The following CEP128 variants were observed in gnomAD, a reference collection of about 807,000 sequenced individuals.
CEP128 encodes centrosomal protein 128, also known as centrosomal protein 128kDa.
In CEP128, 132 loss-of-function variants were observed where a neutral mutation model predicts 156.7. That is an observed-to-expected ratio of 0.84 (90% CI 0.73 to 0.97). CEP128 has a LOEUF of 0.97. CEP128 is among the 50% of genes least tolerant of loss of function. CEP128 has a pLI of 0.00. For missense variants in CEP128, 1,252 were observed against 1,281.9 expected, an observed-to-expected ratio of 0.98 and a Z score of 0.36; for synonymous variants, 469 against 448.9, an observed-to-expected ratio of 1.04 and a Z score of -0.57.
intron 13 of CEP128, among the ~76,000 whole-genome samples, chr14:80,824,164 T>C (rs2140011571): frequency 6.6e-6 from 1 of 152,334 alleles, no homozygotes; most frequent in East Asian, 1.9e-4. Context: ...GCAGCTGGGA[T>C]GCAGGGCACC....
intron 12 of CEP128, among the ~76,000 whole-genome samples, chr14:80,835,502 G>C (rs1490643647): frequency 6.6e-6 from 1 of 152,084 alleles, no homozygotes; most frequent in African/African-American, 2.4e-5. Flanking sequence ...CCAATACTTT[G>C]AGCATTTGAG....
intron 24 of CEP128, among the ~76,000 whole-genome samples, chr14:80,502,418 T>G (rs1594917830): frequency 6.6e-6 from 1 of 152,212 alleles, no homozygotes. Flanking sequence ...CCTCTTGTTC[T>G]GTTTTCTCTG....
intron 19 of CEP128, among the ~76,000 whole-genome samples, chr14:80,605,211 T>G (rs1892729754): frequency 6.6e-6 from 1 of 152,104 alleles, no homozygotes; most frequent in Admixed American, 6.6e-5. Flanking sequence ...AGGCACTGTA[T>G]CTTTGTAGGT....
chr14:80,616,908 G>C (rs546019832), intron 19 of CEP128, among the ~76,000 whole-genome samples: 1 of 152,156 alleles, frequency 6.6e-6, no homozygotes. Context: ...TATAATAAAA[G>C]TTCCCACTGT....
At chr14:80,699,024 G>C (rs904873709) in intron 19 of CEP128, among the ~76,000 whole-genome samples, 2 of 152,100 alleles carry the variant, frequency 1.3e-5, no homozygotes, top group Non-Finnish European at 2.9e-5. Context: ...GGAATCTTGG[G>C]AAGAGAATGA....
At position 80,777,876 on chromosome 14, in the gene CEP128, T is replaced by A; in HGVS notation, c.2376+6A>T. 6.3e-7 allele frequency: 1 copy of A among 1,575,258 alleles called. No individual in the cohort carries two copies. The highest frequency in any genetic ancestry group is 8.7e-7 in the Non-Finnish European group (1 of 1,150,534). The stretch of plus-strand genomic sequence containing the variant: ...ATTTGAAATTAGAATTCACTCATAT[T>A]TTTACCCTTTCTTCTAGTTGATCCT... On this transcript the variant is annotated splice_donor_region_variant and intron_variant, in intron 16 of 24. Transcript: ENST00000555265.
chr14:80,949,320 A>G (rs1382882272), intron 2 of CEP128, among the ~76,000 whole-genome samples: 1 of 152,180 alleles, frequency 6.6e-6, no homozygotes, highest in African/African-American at 2.4e-5. Context: ...AGAGTTTGGA[A>G]AGATGCAGGT....
At chr14:80,704,399 A>T (rs1897169224) in intron 19 of CEP128, among the ~76,000 whole-genome samples, 1 of 152,018 alleles carries the variant, frequency 6.6e-6, no homozygotes, top group South Asian at 2.1e-4. Context: ...AAAAAAGTTT[A>T]TGAGTGTAAA....
chr14:80,517,672 G>C (rs1566752358), intron 23 of CEP128, among the ~76,000 whole-genome samples: 1 of 152,104 alleles, frequency 6.6e-6, no homozygotes, highest in Non-Finnish European at 1.5e-5. Context: ...CTCCCAAGAT[G>C]GCGGCAAGCC....
intron 16 of CEP128, among the ~76,000 whole-genome samples, chr14:80,772,610 T>G (rs1415658110): frequency 1.3e-5 from 2 of 152,182 alleles, no homozygotes; most frequent in African/African-American, 4.8e-5. Context: ...AAGAGTGCAC[T>G]GTGACACATG....
At chr14:80,727,100 T>C (rs1385055840) in intron 19 of CEP128, among the ~76,000 whole-genome samples, 1 of 152,196 alleles carries the variant, frequency 6.6e-6, no homozygotes, top group African/African-American at 2.4e-5. Context: ...ACAATACCGC[T>C]GTGAAAGAGT....
intron 21 of CEP128, among the ~76,000 whole-genome samples, chr14:80,531,630 G>A (rs1889229454): frequency 6.6e-6 from 1 of 152,148 alleles, no homozygotes; most frequent in African/African-American, 2.4e-5. Context: ...CTGTCACAAT[G>A]CCAGACATAT....
chr14:80,477,641 G>A (rs934287894), exon 15 of CEP128: 4 of 152,202 alleles, frequency 2.6e-5, no homozygotes, highest in Non-Finnish European at 5.9e-5. Flanking sequence ...AAAGCTTAGC[G>A]AGTTCTAAGG....
chr14:80,898,333 A>G (rs1841727799), intron 7 of CEP128, among the ~76,000 whole-genome samples: 2 of 152,216 alleles, frequency 1.3e-5, no homozygotes, highest in Admixed American at 6.5e-5. Context: ...AGTAAAGCAG[A>G]ACGGCATCCA....
At chr14:80,921,895 G>A (rs185283948) in intron 2 of CEP128, among the ~76,000 whole-genome samples, 254 of 151,318 alleles carry the variant, frequency 1.7e-3, no homozygotes, top group Middle Eastern at 3.4e-3. Flanking sequence ...CCCGGGAGGC[G>A]GAGGCTGCAG....
chr14:80,573,749 G>T (rs35699924), intron 20 of CEP128, among the ~76,000 whole-genome samples: 1 of 152,104 alleles, frequency 6.6e-6, no homozygotes, highest in African/African-American at 2.4e-5. Flanking sequence ...CTGCTAATGC[G>T]TTCTTTCTGG....
chr14:80,830,850 T>C (rs1885753023), intron 13 of CEP128: 1 of 286,530 alleles, frequency 3.5e-6, no homozygotes, highest in Admixed American at 4.9e-5. Context: ...GTAGAAAGGG[T>C]TCAATTGCTA....
intron 23 of CEP128, among the ~76,000 whole-genome samples, chr14:80,505,402 T>C (rs961739432): frequency 1.3e-5 from 2 of 152,232 alleles, no homozygotes; most frequent in Non-Finnish European, 2.9e-5. Flanking sequence ...AGCCATATTT[T>C]ATTGGCATTT....
Position 80,900,034 on chromosome 14 carries a change from CA to C in CEP128, c.481-6del, listed in dbSNP as rs766540264. 10 of 1,596,534 alleles carry C rather than the reference CA, an allele frequency of 6.3e-6. No homozygotes were observed. Among genetic ancestry groups the C allele is most frequent in the Non-Finnish European group, 7.7e-6 (9 of 1,166,220 alleles). On this transcript the variant is annotated splice_region_variant and splice_polypyrimidine_tract_variant and intron_variant, in intron 6 of 24. Coordinates refer to ENST00000555265, the MANE Select transcript of CEP128 (RefSeq NM_152446.5). ...AGACTGATGAAAACCATGAAGCTAG[CA>C]AAGGCAAAACACAGTTATCCATTTA...
Sources: gnomAD v4.1 joint callset for allele counts (sites outside exome capture counted in the v4.1 genomes callset) on GRCh38, gnomAD v4.1.1 for gene constraint, MANE v1.5 for transcripts, NCBI Gene and HGNC (gene_info 2026-07-23, HGNC 2026-07-21) for gene names.